The following INPP4B variants were observed in gnomAD, a reference collection of about 807,000 sequenced individuals.
INPP4B encodes inositol polyphosphate 4-phosphatase type II.
A neutral mutation model predicts 122.5 loss-of-function variants in INPP4B; 55 were observed. The observed-to-expected ratio is 0.45, with a 90% confidence interval of 0.36 to 0.56. The LOEUF (loss-of-function observed/expected upper bound fraction) is 0.56. Ranked by LOEUF, INPP4B falls within the 20% of genes least tolerant of loss-of-function variation. INPP4B has a pLI of 0.00. For synonymous variants in INPP4B, 403 were observed against 388.7 expected (o/e 1.04, Z -0.43); for missense variants, 1,000 against 1,097.7 (o/e 0.91, Z 1.26).
chr4:142,735,504 G>T (rs990113486), intron 1 of INPP4B, among the ~76,000 whole-genome samples: 8 of 152,174 alleles, frequency 5.3e-5, no homozygotes, highest in Non-Finnish European at 8.8e-5. Flanking sequence ...CTTCTTGGCT[G>T]ATTACACTAT....
intron 2 of INPP4B, among the ~76,000 whole-genome samples, chr4:142,706,322 G>T (rs1470823583): frequency 6.6e-6 from 1 of 152,172 alleles, no homozygotes; most frequent in Non-Finnish European, 1.5e-5. Flanking sequence ...CTCTGTGAGA[G>T]AGTGGCGGAT....
At chr4:142,309,072 T>C (rs999293318) in intron 8 of INPP4B, among the ~76,000 whole-genome samples, 2 of 152,142 alleles carry the variant, frequency 1.3e-5, no homozygotes, top group African/African-American at 4.8e-5. Flanking sequence ...ATCTTTCTCA[T>C]AGTTATTGCT....
chr4:142,572,346 T>C (rs1002243832), intron 2 of INPP4B, among the ~76,000 whole-genome samples: 5 of 152,238 alleles, frequency 3.3e-5, no homozygotes, highest in Admixed American at 6.5e-5. Flanking sequence ...CTGTGGGGTA[T>C]CTACATTCCT....
intron 7 of INPP4B, among the ~76,000 whole-genome samples, chr4:142,339,589 G>A (rs1478936058): frequency 2.0e-5 from 3 of 152,148 alleles, no homozygotes; most frequent in East Asian, 3.9e-4. Context: ...TCAGGGGTCT[G>A]GTGGAAAGCA....
At chr4:142,319,002 G>A (rs1768966554) in intron 7 of INPP4B, among the ~76,000 whole-genome samples, 10 of 152,180 alleles carry the variant, frequency 6.6e-5, no homozygotes, top group Admixed American at 6.5e-4. Context: ...TGTCCTGAGG[G>A]TGGGAGGACA....
chr4:142,279,975 G>A (rs1171514792), intron 9 of INPP4B, among the ~76,000 whole-genome samples: 1 of 151,906 alleles, frequency 6.6e-6, no homozygotes, highest in Non-Finnish European at 1.5e-5. Flanking sequence ...AGGATATATG[G>A]ATGGCAAATA....
intron 2 of INPP4B, among the ~76,000 whole-genome samples, chr4:142,645,315 A>G (rs1751502075): frequency 6.6e-6 from 1 of 152,230 alleles, no homozygotes; most frequent in Non-Finnish European, 1.5e-5. Flanking sequence ...GGATAATGTC[A>G]GTACAACAGT....
chr4:142,636,836 GTAT>G (rs1238913869), intron 2 of INPP4B, among the ~76,000 whole-genome samples: 1 of 151,684 alleles, frequency 6.6e-6, no homozygotes, highest in Non-Finnish European at 1.5e-5. Context: ...ATTGAATATG[GTAT>G]TATCTTTAAA....
chr4:142,188,514 A>ATATAT lies in INPP4B; in HGVS notation c.1181+4572_1181+4573insATATA, dbSNP rs1319182103. Among the ~76,000 whole-genome samples, 872 of 116,034 alleles carry ATATAT rather than the reference A, an allele frequency of 7.5e-3. 47 individuals carry two copies. Among genetic ancestry groups the ATATAT allele is most frequent in the African/African-American group, 0.026 (781 of 29,584 alleles). 76.1% of individuals were successfully genotyped at this position (116,034 alleles called of 152,430 possible). Reference sequence around the variant, plus strand: ...AAAAAAAAAAAAAAAAAAAAAAGAAAAAAAATATATATAGCTTGACTTATG... The same window carrying ATATAT: ...AAAAAAAAAAAAAAAAAAAAAAGAAATATATAAAAATATATATAGCTTGACTTATG... On this transcript the variant is annotated intron_variant, in intron 15 of 25. Transcript: ENST00000262992.
chr4:142,507,971 T>C (rs1233231987), intron 2 of INPP4B, among the ~76,000 whole-genome samples: 1 of 152,174 alleles, frequency 6.6e-6, no homozygotes, highest in East Asian at 1.9e-4. Context: ...TTACAGATTA[T>C]AGGCCCCTGA....
Position 142,431,318 on chromosome 4 carries a change from T to C in INPP4B, c.-59A>G, listed in dbSNP as rs1809251395. ...TTTCTTGTCCAAATGTCAGTTCTAG[T>C]GATTCCTGGTTTAATGTAGATGTAT... On this transcript the variant is annotated 5_prime_UTR_variant, in exon 4 of 26. Transcript: ENST00000262992. The C allele has an allele frequency of 2.5e-6, 3 of 1,198,016 alleles. No individual in the cohort carries two copies. In the East Asian group the frequency reaches 7.0e-5, roughly 28 times the overall value. 74.2% of individuals were successfully genotyped at this position (1,198,016 alleles called of 1,614,324 possible).
At chr4:142,250,530 TTAGA>T (rs1258783791) in intron 11 of INPP4B, among the ~76,000 whole-genome samples, 2 of 152,128 alleles carry the variant, frequency 1.3e-5, no homozygotes, top group East Asian at 3.8e-4. Flanking sequence ...GTTGCTGAGT[TTAGA>T]TAGATAGATA....
chr4:142,503,189 C>T (rs76614203), intron 2 of INPP4B, among the ~76,000 whole-genome samples: 1,762 of 152,060 alleles, frequency 0.012, 33 homozygotes, highest in African/African-American at 0.04. Context: ...AACCAAACAA[C>T]CAAATCAGAA....
At chr4:142,346,297 G>T (rs1418095955) in intron 7 of INPP4B, among the ~76,000 whole-genome samples, 1 of 151,974 alleles carries the variant, frequency 6.6e-6, no homozygotes. Flanking sequence ...CTGGTCATTA[G>T]CTTTATTCCA....
Position 142,028,824 on chromosome 4 carries a change from G to GTACTT in INPP4B, c.2728_2732dup (p.Tyr911Ter). 6.2e-7 allele frequency: 1 copy of GTACTT among 1,613,558 alleles called. No individual in the cohort carries two copies. Among genetic ancestry groups the GTACTT allele is most frequent in the East Asian group, 2.2e-5 (1 of 44,816 alleles). On this transcript the variant is annotated stop_gained and frameshift_variant, in exon 26 of 26. Coordinates refer to ENST00000262992, the MANE Select transcript of INPP4B (RefSeq NM_001101669.3). LOFTEE classifies it high-confidence loss of function. ...CATAAGTCCCCTCTGGAGGTCTGTA[G>GTACTT]TACTTGGGGAAAGCCATCAGCTGTA...
At chr4:142,781,342 G>T (rs1774787318) in intron 1 of INPP4B, among the ~76,000 whole-genome samples, 1 of 152,150 alleles carries the variant, frequency 6.6e-6, no homozygotes, top group African/African-American at 2.4e-5. Context: ...ATTTCCATAG[G>T]GAGGGCTCAC....
chr4:142,583,619 G>A lies in INPP4B; in HGVS notation c.-190-120893C>T, dbSNP rs536109198. 4.6e-5 allele frequency: 7 copies of A among 152,270 alleles called. No homozygotes were observed. The East Asian group carries it at 1.4e-3, about 29-fold the overall frequency. The allele number at this position is 152,270 out of a possible 1,614,324, so 9.4% of individuals were successfully genotyped here. A position where few individuals can be genotyped will look rare whatever the true frequency, so the allele number is the denominator to read the frequency against. ...ATGCAAACAAACACTGGTGATGACT[G>A]TAAGGTGGGTGCAATATACAAACAG... is the stretch of plus-strand genomic sequence containing the variant. On this transcript the variant is annotated intron_variant, in intron 2 of 25. Coordinates refer to ENST00000262992, the MANE Select transcript of INPP4B (RefSeq NM_001101669.3).
At chr4:142,411,787 G>C (rs1361030984) in intron 5 of INPP4B, among the ~76,000 whole-genome samples, 2 of 152,164 alleles carry the variant, frequency 1.3e-5, no homozygotes, top group Non-Finnish European at 2.9e-5. Flanking sequence ...AGCTACTCGG[G>C]AGGCTGAGGC....
At chr4:142,095,126 T>A (rs1781266773) in intron 23 of INPP4B, among the ~76,000 whole-genome samples, 1 of 152,188 alleles carries the variant, frequency 6.6e-6, no homozygotes, top group Non-Finnish European at 1.5e-5. Flanking sequence ...GATAATTTTA[T>A]CCTTGAGACT....
Sources: gnomAD v4.1 joint callset for allele counts (sites outside exome capture counted in the v4.1 genomes callset) on GRCh38, gnomAD v4.1.1 for gene constraint, MANE v1.5 for transcripts, NCBI Gene and HGNC (gene_info 2026-07-23, HGNC 2026-07-21) for gene names.